Variants in LRRC4C observed in about 807,000 individuals in gnomAD.
LRRC4C encodes the protein leucine rich repeat containing 4C.
A neutral mutation model predicts 33.6 loss-of-function variants in LRRC4C; 5 were observed. The observed-to-expected ratio is 0.15, with a 90% CI of 0.08 to 0.31. The LOEUF (loss-of-function observed/expected upper bound fraction) is 0.31, where lower values mean the gene tolerates loss of function less well. Among genes scored for constraint, LRRC4C ranks in the 10% least tolerant of loss-of-function variants. The pLI is 1.00. For synonymous variants in LRRC4C, 329 were observed against 302.0 expected, an observed-to-expected ratio of 1.09 and a Z score of -0.93; for missense variants, 560 against 796.7, an observed-to-expected ratio of 0.70 and a Z score of 3.58.
chr11:41,028,033 G>A (rs190433642), intron 1 of LRRC4C, among the ~76,000 whole-genome samples: 58 of 151,704 alleles, frequency 3.8e-4, no homozygotes, highest in African/African-American at 1.4e-3. Context: ...CCTAGCCACT[G>A]TGACCTGCTC....
chr11:40,711,887 C>T (rs1946483347), intron 2 of LRRC4C, among the ~76,000 whole-genome samples: 1 of 152,180 alleles, frequency 6.6e-6, no homozygotes, highest in African/African-American at 2.4e-5. Context: ...AAATTAATCA[C>T]ATCAGGAACT....
intron 1 of LRRC4C, among the ~76,000 whole-genome samples, chr11:41,382,642 T>G (rs758510283): frequency 6.6e-6 from 1 of 152,062 alleles, no homozygotes. Context: ...AAAGACCAAA[T>G]AAACTTGAAG....
intron 5 of LRRC4C, among the ~76,000 whole-genome samples, chr11:40,178,536 C>T (rs945115515): frequency 6.6e-6 from 1 of 152,200 alleles, no homozygotes; most frequent in African/African-American, 2.4e-5. Context: ...TCTTAAACTG[C>T]TTTATGGCCT....
intron 1 of LRRC4C, among the ~76,000 whole-genome samples, chr11:40,982,605 C>T (rs1203504747): frequency 6.6e-6 from 1 of 152,072 alleles, no homozygotes; most frequent in Non-Finnish European, 1.5e-5. Context: ...TTCTGTGGAC[C>T]ACCCTTTGAA....
intron 1 of LRRC4C, among the ~76,000 whole-genome samples, chr11:41,034,952 CTTTAT>C (rs1351206861): frequency 2.0e-5 from 3 of 148,196 alleles, no homozygotes; most frequent in Admixed American, 6.7e-5. Flanking sequence ...ATTTTATTTA[CTTTAT>C]TTTATTTTTT....
intron 1 of LRRC4C, among the ~76,000 whole-genome samples, chr11:41,195,185 G>T (rs1275838047): frequency 2.0e-5 from 3 of 151,862 alleles, no homozygotes; most frequent in Non-Finnish European, 4.4e-5. Flanking sequence ...TTTCTCTTTA[G>T]GTTAACAAAA....
At chr11:40,305,954 CTACATGTGGT>C (rs1347794097) in intron 4 of LRRC4C, among the ~76,000 whole-genome samples, 1 of 152,162 alleles carries the variant, frequency 6.6e-6, no homozygotes, top group Non-Finnish European at 1.5e-5. Context: ...GTTCTGTCTT[CTACATGTGGT>C]TACTTGACCA....
chr11:40,910,375 C>G (rs535297093), intron 2 of LRRC4C, among the ~76,000 whole-genome samples: 7 of 151,966 alleles, frequency 4.6e-5, no homozygotes, highest in African/African-American at 1.7e-4. Flanking sequence ...TGAAAAAAAC[C>G]CGGAGATGTT....
chr11:40,763,158 G>A (rs1949305553), intron 2 of LRRC4C, among the ~76,000 whole-genome samples: 1 of 130,570 alleles, frequency 7.7e-6, no homozygotes, highest in Admixed American at 7.8e-5. Flanking sequence ...TTAAAGTTGT[G>A]TGTATGCATA....
At chr11:40,225,619 CTTT>C (rs34973833) in intron 5 of LRRC4C, among the ~76,000 whole-genome samples, 3 of 140,812 alleles carry the variant, frequency 2.1e-5, no homozygotes, top group Non-Finnish European at 1.5e-5. Flanking sequence ...CTCTCTCTCT[CTTT>C]TTTTTTTTTT....
chr11:40,549,277 A>G lies in LRRC4C; in HGVS notation c.-270+98865T>C, dbSNP rs568494034. ...ACTGGTTAACTGGGCCTGAAACAAC[A>G]CTCTGAGAACATCCTCACTATTCTC... On this transcript the variant is annotated intron_variant, in intron 3 of 6. Transcript: ENST00000528697. Among the ~76,000 whole-genome samples the G allele has an allele frequency of 3.0e-4, 45 of 152,190 alleles. No homozygotes were observed. In the South Asian group the frequency reaches 9.3e-3, roughly 32 times the overall value.
chr11:41,374,789 G>T (rs187043475), intron 1 of LRRC4C, among the ~76,000 whole-genome samples: 3 of 152,018 alleles, frequency 2.0e-5, no homozygotes, highest in African/African-American at 7.2e-5. Context: ...TTTCTTGAGG[G>T]TTGTATGTAG....
At chr11:41,345,649 G>T (rs1295338580) in intron 1 of LRRC4C, among the ~76,000 whole-genome samples, 1 of 152,010 alleles carries the variant, frequency 6.6e-6, no homozygotes, top group African/African-American at 2.4e-5. Flanking sequence ...CCAACCAATG[G>T]TCTTGCCATT....
At chr11:41,382,829 G>A (rs955916260) in intron 1 of LRRC4C, among the ~76,000 whole-genome samples, 1 of 152,114 alleles carries the variant, frequency 6.6e-6, no homozygotes, top group Non-Finnish European at 1.5e-5. Flanking sequence ...TCTCTGGTGT[G>A]GGCTGAAGGT....
At chr11:41,003,881 G>T (rs1854553954) in intron 1 of LRRC4C, among the ~76,000 whole-genome samples, 1 of 152,006 alleles carries the variant, frequency 6.6e-6, no homozygotes, top group African/African-American at 2.4e-5. Context: ...ATTGAAAAGA[G>T]CCAATAGAAT....
chr11:40,417,287 A>G (rs1950358094), intron 3 of LRRC4C, among the ~76,000 whole-genome samples: 2 of 151,980 alleles, frequency 1.3e-5, no homozygotes, highest in Admixed American at 1.3e-4. Context: ...TCTCTTTTAT[A>G]TCACAGAGGA....
chr11:41,232,162 A>T (rs983032694), intron 1 of LRRC4C, among the ~76,000 whole-genome samples: 3 of 151,996 alleles, frequency 2.0e-5, no homozygotes, highest in Non-Finnish European at 4.4e-5. Flanking sequence ...AGTTGACAAC[A>T]TCCTCCTTAG....
intron 1 of LRRC4C, among the ~76,000 whole-genome samples, chr11:41,245,564 A>G (rs1948419169): frequency 6.6e-6 from 1 of 152,174 alleles, no homozygotes; most frequent in South Asian, 2.1e-4. Context: ...GATGACAGGA[A>G]CTGACAGGAG....
chr11:40,590,540 A>G (rs1403579469), intron 3 of LRRC4C, among the ~76,000 whole-genome samples: 6 of 151,356 alleles, frequency 4.0e-5, no homozygotes, highest in African/African-American at 1.2e-4. Flanking sequence ...TTCCTTTGGA[A>G]GAGGAGAGGC....
Sources: allele counts gnomAD v4.1 joint callset (sites outside exome capture counted in the v4.1 genomes callset), GRCh38; gene constraint gnomAD v4.1.1; transcripts MANE v1.5; gene names NCBI Gene and HGNC (gene_info 2026-07-23, HGNC 2026-07-21).